Variants in KIF13A observed in about 807,000 individuals in gnomAD.
KIF13A encodes the protein kinesin-like protein KIF13A.
In KIF13A, 79 loss-of-function variants were observed where a neutral mutation model predicts 212.2. The observed-to-expected ratio is 0.37, with a 90% CI of 0.31 to 0.45. The LOEUF (loss-of-function observed/expected upper bound fraction) is 0.45. Among genes scored for constraint, KIF13A ranks in the 20% least tolerant of loss-of-function variants. KIF13A has a pLI of 1.00. For synonymous variants in KIF13A, 789 were observed against 808.6 expected, an observed-to-expected ratio of 0.98 and a Z score of 0.41; for missense variants, 1,901 against 2,209.0, an observed-to-expected ratio of 0.86 and a Z score of 2.79.
Position 17,984,472 on chromosome 6 carries a change from A to G in KIF13A, c.146+2582T>C. 1 of 970,378 alleles carries G rather than the reference A, an allele frequency of 1.0e-6. No homozygotes were observed. The highest frequency in any genetic ancestry group is 1.2e-6 in the Non-Finnish European group (1 of 816,240). 60.1% of individuals were successfully genotyped at this position (970,378 alleles called of 1,614,324 possible). On this transcript the variant is annotated intron_variant, in intron 2 of 38. Transcript: ENST00000259711. The surrounding 1 kb of genome is among the most constrained non-coding windows in gnomAD (Gnocchi z 5.0). ...CAATGTATTACAATACTAGAATTTC[A>G]GCAACAAAACAAACATCTTTAACCT...
intron 2 of KIF13A, among the ~76,000 whole-genome samples, chr6:17,903,371 T>C (rs1365698658): frequency 1.1e-4 from 17 of 152,124 alleles, no homozygotes. Context: ...ATGATTTTGA[T>C]AAACAAACAA....
chr6:17,975,077 T>G (rs1266211630), intron 2 of KIF13A, among the ~76,000 whole-genome samples: 1 of 152,124 alleles, frequency 6.6e-6, no homozygotes, highest in African/African-American at 2.4e-5. Context: ...GGCGCAGTGG[T>G]TCACACCTGT....
chr6:17,833,183 G>C (rs1765611339), intron 12 of KIF13A, among the ~76,000 whole-genome samples: 1 of 151,926 alleles, frequency 6.6e-6, no homozygotes, highest in Non-Finnish European at 1.5e-5. Flanking sequence ...AAAAAGACCT[G>C]ACGTCAATGT....
intron 16 of KIF13A, among the ~76,000 whole-genome samples, chr6:17,817,863 G>C (rs184810880): frequency 1.3e-5 from 2 of 152,154 alleles, no homozygotes; most frequent in African/African-American, 4.8e-5. Flanking sequence ...AACATCTCAC[G>C]TGTACAGGCA....
At chr6:17,906,117 T>C (rs1165852398) in intron 2 of KIF13A, among the ~76,000 whole-genome samples, 2 of 152,106 alleles carry the variant, frequency 1.3e-5, no homozygotes, top group African/African-American at 4.8e-5. Flanking sequence ...GTTTGAAAAT[T>C]TTAAAAAAGA....
chr6:17,972,198 C>G (rs1312073660), intron 2 of KIF13A, among the ~76,000 whole-genome samples: 1 of 152,194 alleles, frequency 6.6e-6, no homozygotes, highest in African/African-American at 2.4e-5. Flanking sequence ...AAACCTTCCC[C>G]ACTACTATCC....
intron 2 of KIF13A, among the ~76,000 whole-genome samples, chr6:17,978,350 G>A (rs1347550700): frequency 6.6e-6 from 1 of 152,148 alleles, no homozygotes; most frequent in Non-Finnish European, 1.5e-5. Context: ...ACATTTGCAT[G>A]TCTAAATATC....
chr6:17,912,034 G>T lies in KIF13A; in HGVS notation c.147-13854C>A, dbSNP rs1450599826. On this transcript the variant is annotated intron_variant, in intron 2 of 38. Coordinates refer to ENST00000259711, the MANE Select transcript of KIF13A (RefSeq NM_022113.6). This position sits in a 1 kb window ranked among gnomAD's most constrained non-coding sequence, Gnocchi z 4.2. ...CCGTCTTGGGCTCCCAAAGTGCTGG[G>T]ATTACAGGCATGAGGCACCGGCCAT... Among the ~76,000 whole-genome samples the T allele has an allele frequency of 6.6e-6, 1 of 152,042 alleles. No homozygotes were observed. The highest frequency in any genetic ancestry group is 1.5e-5 in the Non-Finnish European group (1 of 68,012).
chr6:17,954,523 A>G (rs1163812124), intron 2 of KIF13A, among the ~76,000 whole-genome samples: 1 of 152,178 alleles, frequency 6.6e-6, no homozygotes, highest in Non-Finnish European at 1.5e-5. Flanking sequence ...AAAATATAAT[A>G]TTAGGCTTCT....
chr6:17,921,896 G>A (rs1156798799), intron 2 of KIF13A, among the ~76,000 whole-genome samples: 1 of 152,150 alleles, frequency 6.6e-6, no homozygotes, highest in Non-Finnish European at 1.5e-5. Context: ...TATTAGTTGA[G>A]TGACTAAAAA....
At chr6:17,944,469 A>G (rs1358248049) in intron 2 of KIF13A, among the ~76,000 whole-genome samples, 3 of 152,164 alleles carry the variant, frequency 2.0e-5, no homozygotes, top group Non-Finnish European at 4.4e-5. Flanking sequence ...AGATTAACCA[A>G]TTGTGACAGC....
At chr6:17,819,322 G>A (rs181782874) in intron 16 of KIF13A, among the ~76,000 whole-genome samples, 4 of 152,254 alleles carry the variant, frequency 2.6e-5, no homozygotes, top group Admixed American at 6.5e-5. Flanking sequence ...CCAGCATTTC[G>A]GGAAGCTGAG....
At chr6:17,863,692 G>GGCTACACTTCATTCTGCAATAGAT (rs1769073546) in intron 4 of KIF13A, among the ~76,000 whole-genome samples, 1 of 152,246 alleles carries the variant, frequency 6.6e-6, no homozygotes, top group South Asian at 2.1e-4. Flanking sequence ...CACAGATGAT[G>GGCTACACTTCATTCTGCAATAGAT]GCTACACTTC....
At chr6:17,780,976 A>T (rs1760515337) in intron 30 of KIF13A, 70 bp from the exon 31 acceptor site, 1 of 1,450,082 alleles carries the variant, frequency 6.9e-7, no homozygotes, top group Non-Finnish European at 9.5e-7. Flanking sequence ...TACAGGACAT[A>T]CAAGAGAAAG....
chr6:17,848,703 T>C (rs1767335663), intron 9 of KIF13A, among the ~76,000 whole-genome samples: 1 of 151,564 alleles, frequency 6.6e-6, no homozygotes, highest in African/African-American at 2.4e-5. Flanking sequence ...GTAGCTGGGA[T>C]TACAGACGTG....
chr6:17,920,739 G>C (rs1439081067), intron 2 of KIF13A, among the ~76,000 whole-genome samples: 1 of 151,764 alleles, frequency 6.6e-6, no homozygotes, highest in Non-Finnish European at 1.5e-5. Context: ...CTGGGCCTGG[G>C]GGCGTGCACC....
At chr6:17,823,735 T>C (rs1272906866) in intron 16 of KIF13A, among the ~76,000 whole-genome samples, 2 of 152,032 alleles carry the variant, frequency 1.3e-5, no homozygotes, top group South Asian at 4.2e-4. Context: ...CCCAAAGTGC[T>C]GGGATTACAG....
At chr6:17,868,486 G>A (rs1282156630) in intron 4 of KIF13A, among the ~76,000 whole-genome samples, 5 of 151,616 alleles carry the variant, frequency 3.3e-5, no homozygotes, top group East Asian at 1.9e-4. Flanking sequence ...TATGAAGTTC[G>A]GGAGAACATA....
chr6:17,873,748 G>A (rs565248900), intron 3 of KIF13A, among the ~76,000 whole-genome samples: 1 of 151,674 alleles, frequency 6.6e-6, no homozygotes, highest in Non-Finnish European at 1.5e-5. Context: ...CCACCATATC[G>A]AGCAATTAAA....
Sources: gnomAD v4.1 joint callset for allele counts (sites outside exome capture counted in the v4.1 genomes callset) on GRCh38, gnomAD v4.1.1 for gene constraint, Gnocchi (gnomAD v3.1) non-coding constraint, MANE v1.5 for transcripts, NCBI Gene and HGNC (gene_info 2026-07-23, HGNC 2026-07-21) for gene names.